Variants in TTLL1 observed in about 807,000 individuals in gnomAD.
TTLL1 encodes the protein polyglutamylase complex subunit TTLL1.
In TTLL1, 33 loss-of-function variants were observed where a neutral mutation model predicts 47.8. The observed-to-expected ratio is 0.69, with a 90% CI of 0.52 to 0.92. The LOEUF is 0.92. Among genes scored for constraint, TTLL1 ranks in the 40% least tolerant of loss-of-function variants. The pLI is 0.00. For synonymous variants in TTLL1, 225 were observed against 214.1 expected (o/e 1.05, Z -0.45); for missense variants, 488 against 547.5 (o/e 0.89, Z 1.08).
chr22:43,039,711 T>A lies in TTLL1; in HGVS notation c.*65A>T. On this transcript the variant is annotated 3_prime_UTR_variant, in exon 11 of 11. Transcript: ENST00000266254. ...GAAAAAAGCTCTACAAAAGGGAAATTTCAAAATAGGGCTTCAGCAGGGGCC... is the reference window on the plus strand; with the variant it reads ...GAAAAAAGCTCTACAAAAGGGAAATATCAAAATAGGGCTTCAGCAGGGGCC... 1 of 1,489,066 alleles carries A rather than the reference T, an allele frequency of 6.7e-7. No individual in the cohort carries two copies. The highest frequency in any genetic ancestry group is 1.4e-5 in the South Asian group (1 of 73,268). 92.2% of individuals were successfully genotyped at this position (1,489,066 alleles called of 1,614,324 possible).
At position 43,072,105 on chromosome 22, in the gene TTLL1, T is replaced by C. The variant is rs147860266; in HGVS notation, c.114-2261A>G. Among the ~76,000 whole-genome samples, 350 of 152,236 alleles carry C rather than the reference T, an allele frequency of 2.3e-3. 3 individuals carry two copies. Among genetic ancestry groups the C allele is most frequent in the African/African-American group, 7.8e-3 (326 of 41,558 alleles). The stretch of plus-strand genomic sequence containing the variant: ...GAGGAAAGGACAAAGACCTCAACTT[T>C]AGAGTGAAGTAGTGGCAAGAACTTC... On this transcript the variant is annotated intron_variant, in intron 3 of 10. Transcript: ENST00000266254.
chr22:43,069,589 A>T (rs758790247), intron 4 of TTLL1, 47 bp downstream of exon 4: 1 of 1,611,924 alleles, frequency 6.2e-7, no homozygotes, highest in South Asian at 1.1e-5. Flanking sequence ...CCAAAGAAAA[A>T]ATTCAGCTGT....
chr22:43,082,708 TC>T (rs1928978974), intron 1 of TTLL1, among the ~76,000 whole-genome samples: 3 of 57,164 alleles, frequency 5.2e-5, no homozygotes, highest in Non-Finnish European at 1.6e-4. Flanking sequence ...AGGATGAGAC[TC>T]TGTATCAAAA....
chr22:43,067,980 T>G (rs1412220848), intron 5 of TTLL1, among the ~76,000 whole-genome samples: 1 of 149,172 alleles, frequency 6.7e-6, no homozygotes, highest in East Asian at 2.0e-4. Context: ...ATTTTTTTTT[T>G]TTTTTTTGTA....
chr22:43,066,254 G>A (rs370709421), intron 5 of TTLL1, among the ~76,000 whole-genome samples: 2 of 151,838 alleles, frequency 1.3e-5, no homozygotes, highest in Non-Finnish European at 2.9e-5. Flanking sequence ...ACACGCTCCC[G>A]GCCTCTCACT....
chr22:43,039,772 G>A lies in TTLL1; in HGVS notation c.*4C>T. 6.2e-7 allele frequency: 1 copy of A among 1,608,330 alleles called. No homozygotes were observed. On this transcript the variant is annotated 3_prime_UTR_variant, in exon 11 of 11. Coordinates refer to ENST00000266254, the MANE Select transcript of TTLL1 (RefSeq NM_012263.5). ...GAGTAGTTTTGATAAGGTCCAGGTG[G>A]GACTCACTTCCAGGTGGTGAGGACC...
At chr22:43,042,383 G>C (rs965098242) in intron 10 of TTLL1, among the ~76,000 whole-genome samples, 6 of 152,246 alleles carry the variant, frequency 3.9e-5, no homozygotes, top group African/African-American at 1.4e-4. Flanking sequence ...AGGAGAATCA[G>C]AGCCAAGATG....
At chr22:43,045,462 T>C (rs1478191449) in intron 10 of TTLL1, among the ~76,000 whole-genome samples, 1 of 147,674 alleles carries the variant, frequency 6.8e-6, no homozygotes, top group Non-Finnish European at 1.5e-5. Context: ...ATAGATCTTA[T>C]TATACCCATT....
At chr22:43,088,761 C>T (rs951205609) in intron 1 of TTLL1, among the ~76,000 whole-genome samples, 4 of 152,162 alleles carry the variant, frequency 2.6e-5, no homozygotes, top group Non-Finnish European at 5.9e-5. Flanking sequence ...GATACTTTCA[C>T]TTCCAGAATT....
At chr22:43,068,668 T>C in intron 4 of TTLL1, 78 bp from the exon 5 acceptor site, 1 of 1,311,526 alleles carries the variant, frequency 7.6e-7, no homozygotes, top group Non-Finnish European at 9.9e-7. Context: ...TGCCCTTGCC[T>C]TTCCAGGGCC....
chr22:43,045,022 C>A (rs1373246095), intron 10 of TTLL1, among the ~76,000 whole-genome samples: 4 of 152,040 alleles, frequency 2.6e-5, no homozygotes, highest in African/African-American at 9.7e-5. Flanking sequence ...ACTACCACAC[C>A]CGGCTAATTT....
intron 3 of TTLL1, among the ~76,000 whole-genome samples, chr22:43,072,396 C>A (rs1409315565): frequency 1.3e-5 from 2 of 152,038 alleles, no homozygotes; most frequent in African/African-American, 4.8e-5. Context: ...CCTTGTGATC[C>A]GCCCATCTCG....
At chr22:43,070,732 G>A (rs1490833466) in intron 3 of TTLL1, among the ~76,000 whole-genome samples, 1 of 152,050 alleles carries the variant, frequency 6.6e-6, no homozygotes, top group Non-Finnish European at 1.5e-5. Flanking sequence ...GGCCAGTCTC[G>A]TTTAGTCTGA....
chr22:43,080,792 C>T (rs1928825625), intron 1 of TTLL1, among the ~76,000 whole-genome samples: 1 of 151,780 alleles, frequency 6.6e-6, no homozygotes, highest in South Asian at 2.1e-4. Context: ...CTCCTGCCAT[C>T]CTTGCTGGCA....
intron 8 of TTLL1, among the ~76,000 whole-genome samples, chr22:43,053,659 A>G (rs1264219001): frequency 7.2e-5 from 11 of 152,066 alleles, no homozygotes; most frequent in Middle Eastern, 3.2e-3. Flanking sequence ...TGTCTGCCTC[A>G]CTCTGAGGAC....
rs367586445 is a variant in TTLL1, at chr22:43,045,719, C to T, written c.1142+691G>A. 1.8e-4 allele frequency among the ~76,000 whole-genome samples: 28 copies of T among 152,078 alleles called. No homozygotes were observed. In the East Asian group the frequency reaches 4.4e-3, roughly 24 times the overall value. On this transcript the variant is annotated intron_variant, in intron 10 of 10. Transcript: ENST00000266254. ...AGCCAGGGAATGAGCCCAGGTGACC[C>T]GTGAGAAACACGCACTCCACCCAGC...
At chr22:43,055,310 C>A (rs1472774918) in intron 8 of TTLL1, among the ~76,000 whole-genome samples, 1 of 151,662 alleles carries the variant, frequency 6.6e-6, no homozygotes, top group African/African-American at 2.4e-5. Flanking sequence ...AGGCACTGTG[C>A]CTGGCCACGT....
rs141799041 is a variant in TTLL1 at position 43,056,308 on chromosome 22, G to A, written c.891+3076C>T. Among the ~76,000 whole-genome samples the A allele has an allele frequency of 6.9e-3, 992 of 144,684 alleles. 11 individuals carry two copies. The highest frequency in any genetic ancestry group is 0.022 in the African/African-American group (863 of 39,048). 94.9% of individuals were successfully genotyped at this position (144,684 alleles called of 152,430 possible). A position where few individuals can be genotyped will look rare whatever the true frequency, so the allele number is the denominator to read the frequency against. On this transcript the variant is annotated intron_variant, in intron 8 of 10. Transcript: ENST00000266254. ...TGGGAGGCGGAGGTTGCAGTGAGCC[G>A]AGATCGCATCACTGCACTCCAGCCT...
At chr22:43,069,454 G>T in intron 4 of TTLL1, 182 bp downstream of exon 4, 1 of 994,712 alleles carries the variant, frequency 1.0e-6, no homozygotes, top group Non-Finnish European at 1.4e-6. Flanking sequence ...AAACTAGGAT[G>T]CCACACTCAG....
Sources: gnomAD v4.1 joint callset for allele counts (sites outside exome capture counted in the v4.1 genomes callset) on GRCh38, gnomAD v4.1.1 for gene constraint, MANE v1.5 for transcripts, NCBI Gene and HGNC (gene_info 2026-07-23, HGNC 2026-07-21) for gene names.